Variants in GALNT15 observed in about 807,000 individuals in gnomAD.
GALNT15 encodes the protein polypeptide N-acetylgalactosaminyltransferase 15, also known as UDP-GalNAc transferase T15.
In GALNT15, 67 loss-of-function variants were observed where a neutral mutation model predicts 66.8. The ratio of observed to expected loss-of-function variants is 1.00; its 90% CI spans 0.82 to 1.23. The LOEUF (loss-of-function observed/expected upper bound fraction) is 1.23. Ranked by LOEUF, GALNT15 falls within the 50% of genes most tolerant of loss-of-function variation. The pLI is 0.00. For synonymous variants in GALNT15, 313 were observed against 311.5 expected, an observed-to-expected ratio of 1.00 and a Z score of -0.05; for missense variants, 827 against 804.3, an observed-to-expected ratio of 1.03 and a Z score of -0.34.
intron 1 of GALNT15, among the ~76,000 whole-genome samples, chr3:16,190,317 T>G (rs1401313209): frequency 6.6e-6 from 1 of 151,838 alleles, no homozygotes; most frequent in Admixed American, 6.6e-5. Context: ...ATCCTCAGGC[T>G]CCCCCTCCAG....
Position 16,193,275 on chromosome 3 carries a change from A to G in GALNT15, c.540-2485A>G, listed in dbSNP as rs560550650. Among the ~76,000 whole-genome samples, 1 of 152,320 alleles carries G rather than the reference A, an allele frequency of 6.6e-6. No individual in the cohort carries two copies. Among genetic ancestry groups the G allele is most frequent in the African/African-American group, 2.4e-5 (1 of 41,576 alleles). ...TCAAATTTAAATTCATTCTAGAAAT[A>G]CCTAGGCCCTTATAACCTATATATT... is the stretch of plus-strand genomic sequence containing the variant. On this transcript the variant is annotated intron_variant, in intron 1 of 9. Coordinates refer to ENST00000339732, the MANE Select transcript of GALNT15 (RefSeq NM_054110.5). The surrounding 1 kb of genome is among the most constrained non-coding windows in gnomAD (Gnocchi z 4.7).
downstream of GALNT15, among the ~76,000 whole-genome samples, chr3:16,234,923 CTTTT>C (rs1203363973): frequency 2.3e-5 from 3 of 131,126 alleles, no homozygotes; most frequent in Admixed American, 7.7e-5. Context: ...TTATCCCAAT[CTTTT>C]TTTTTTTTTT....
At chr3:16,215,664 C>T (rs1176190456) in intron 6 of GALNT15, among the ~76,000 whole-genome samples, 2 of 152,076 alleles carry the variant, frequency 1.3e-5, no homozygotes, top group East Asian at 3.9e-4. Context: ...GTAATCCCAG[C>T]ACTTTGGGAG....
rs936583727 is a variant in GALNT15, at chr3:16,191,726, T to C, written c.540-4034T>C. 3.9e-5 allele frequency among the ~76,000 whole-genome samples: 6 copies of C among 152,188 alleles called. No homozygotes were observed. The highest frequency in any genetic ancestry group is 1.4e-4 in the African/African-American group (6 of 41,436). ...TAAAGAGCTAGAGTTTAAATACAAATTTCTTTCATTGAAGGAGGCCCTGCT... is the reference window on the plus strand; with the variant it reads ...TAAAGAGCTAGAGTTTAAATACAAACTTCTTTCATTGAAGGAGGCCCTGCT... On this transcript the variant is annotated intron_variant, in intron 1 of 9. Coordinates refer to ENST00000339732, the MANE Select transcript of GALNT15 (RefSeq NM_054110.5). The surrounding 1 kb of genome is among the most constrained non-coding windows in gnomAD (Gnocchi z 5.2).
At chr3:16,226,050 GAAA>G (rs34201320) in intron 9 of GALNT15, among the ~76,000 whole-genome samples, 21,192 of 139,734 alleles carry the variant, frequency 0.15, 1,518 homozygotes, top group Admixed American at 0.21. Flanking sequence ...CTCCTTCTTG[GAAA>G]AAAAAAAAAA....
rs1028527004 is a variant in GALNT15 at position 16,203,604 on chromosome 3, C to A, written c.911+2781C>A. 1.3e-5 allele frequency among the ~76,000 whole-genome samples: 2 copies of A among 148,634 alleles called. No homozygotes were observed. Among genetic ancestry groups the A allele is most frequent in the Non-Finnish European group, 3.0e-5 (2 of 67,436 alleles). ...ACACACACACAGTGGGCCTCTGATC[C>A]TGGTGTGTTACTGGCTTGCCTTCCT... On this transcript the variant is annotated intron_variant, in intron 3 of 9. Coordinates refer to ENST00000339732, the MANE Select transcript of GALNT15 (RefSeq NM_054110.5). The surrounding 1 kb of genome is among the most constrained non-coding windows in gnomAD (Gnocchi z 6.2).
chr3:16,182,182 GACC>G lies in GALNT15; in HGVS notation c.539+6493_539+6495del, dbSNP rs749353858. ...TCAGACCTGCAGCCTCAGAAATGCA[GACC>G]CTTCAGACCCCACTTAAACCTACTA... On this transcript the variant is annotated intron_variant, in intron 1 of 9. Transcript: ENST00000339732. This position sits in a 1 kb window ranked among gnomAD's most constrained non-coding sequence, Gnocchi z 6.1. Among the ~76,000 whole-genome samples, 1 of 152,056 alleles carries G rather than the reference GACC, an allele frequency of 6.6e-6. No individual in the cohort carries two copies. Among genetic ancestry groups the G allele is most frequent in the Non-Finnish European group, 1.5e-5 (1 of 68,012 alleles).
chr3:16,235,936 C>T (rs1446393537), downstream of GALNT15, among the ~76,000 whole-genome samples: 1 of 151,220 alleles, frequency 6.6e-6, no homozygotes, highest in Non-Finnish European at 1.5e-5. Flanking sequence ...GAAACCCTGC[C>T]CCTACTAAAA....
At chr3:16,212,022 A>G (rs2063820911) in intron 5 of GALNT15, among the ~76,000 whole-genome samples, 2 of 152,108 alleles carry the variant, frequency 1.3e-5, no homozygotes, top group Admixed American at 6.5e-5. Context: ...CTTTATCCTC[A>G]AATGTGGAAT....
At position 16,195,177 on chromosome 3, in the gene GALNT15, C is replaced by T. The variant is rs2063618954; in HGVS notation, c.540-583C>T. Reference sequence around the variant, plus strand: ...CAGCCTCGGGGAGTCCTGATCTTCCCAGAAGGCCAGGAGGGGTGTCCCTAG... The same window carrying T: ...CAGCCTCGGGGAGTCCTGATCTTCCTAGAAGGCCAGGAGGGGTGTCCCTAG... On this transcript the variant is annotated intron_variant, in intron 1 of 9. Transcript: ENST00000339732. The surrounding 1 kb of genome is among the most constrained non-coding windows in gnomAD (Gnocchi z 4.6). 6.6e-6 allele frequency among the ~76,000 whole-genome samples: 1 copy of T among 152,154 alleles called. No homozygotes were observed. The highest frequency in any genetic ancestry group is 1.5e-5 in the Non-Finnish European group (1 of 68,040).
chr3:16,212,543 G>T, intron 5 of GALNT15, 26 bp from the exon 6 acceptor site: 1 of 1,603,630 alleles, frequency 6.2e-7, no homozygotes, highest in Non-Finnish European at 8.5e-7. Context: ...GAATGCTGAG[G>T]TGTTTATCTT....
At chr3:16,205,128 C>T (rs1019575828) in intron 3 of GALNT15, among the ~76,000 whole-genome samples, 8 of 152,186 alleles carry the variant, frequency 5.3e-5, no homozygotes, top group Non-Finnish European at 1.2e-4. Flanking sequence ...CTGGAAAAGC[C>T]GATGCCAGTC....
In GALNT15 at chr3:16,195,726, C is replaced by T. The variant is rs756902284; in HGVS notation, c.540-34C>T. Reference sequence around the variant, plus strand: ...TGTGGAGTGTTTCTTGTGGCCTTCTCTTCCCCATGGCTCTCTGGCTCTCTT... The same window carrying T: ...TGTGGAGTGTTTCTTGTGGCCTTCTTTTCCCCATGGCTCTCTGGCTCTCTT... On this transcript the variant is annotated intron_variant, in intron 1 of 9. Transcript: ENST00000339732. The surrounding 1 kb of genome is among the most constrained non-coding windows in gnomAD (Gnocchi z 4.6). 3.8e-6 allele frequency: 6 copies of T among 1,588,434 alleles called. No individual in the cohort carries two copies. Among genetic ancestry groups the T allele is most frequent in the East Asian group, 2.3e-5 (1 of 44,378 alleles).
rs34211296 is a variant in GALNT15 at position 16,198,351 on chromosome 3, G to GA, written c.707-2258dup. ...AGGCCAGTCCGGTTTGTGCTCTTCGGAAAAAAAAAATTAGTAAAATAATAG... is the reference window on the plus strand; with the variant it reads ...AGGCCAGTCCGGTTTGTGCTCTTCGGAAAAAAAAAAATTAGTAAAATAATAG... On this transcript the variant is annotated intron_variant, in intron 2 of 9. Transcript: ENST00000339732. 2.0e-4 allele frequency among the ~76,000 whole-genome samples: 28 copies of GA among 138,084 alleles called. 4 individuals carry two copies. Among genetic ancestry groups the GA allele is most frequent in the Non-Finnish European group, 3.5e-4 (22 of 62,866 alleles). The allele number at this position is 138,084 out of a possible 152,430, so 90.6% of individuals were successfully genotyped here. A position where few individuals can be genotyped will look rare whatever the true frequency, so the allele number is the denominator to read the frequency against.
chr3:16,240,835 A>G, the GALNT15 span, among the ~76,000 whole-genome samples: 1 of 152,142 alleles, frequency 6.6e-6, no homozygotes, highest in Non-Finnish European at 1.5e-5. Context: ...CCGCCTCCCC[A>G]GCACAGCCTG....
chr3:16,195,321 A>C lies in GALNT15; in HGVS notation c.540-439A>C, dbSNP rs1414450812. On this transcript the variant is annotated intron_variant, in intron 1 of 9. Coordinates refer to ENST00000339732, the MANE Select transcript of GALNT15 (RefSeq NM_054110.5). The surrounding 1 kb of genome is among the most constrained non-coding windows in gnomAD (Gnocchi z 4.6). ...CGGCATCACCTGGGAGCTTGTTAGA[A>C]ATGCAAATTCTTCAGCCCCACTCCA... Among the ~76,000 whole-genome samples, 1 of 152,206 alleles carries C rather than the reference A, an allele frequency of 6.6e-6. No homozygotes were observed. Among genetic ancestry groups the C allele is most frequent in the Non-Finnish European group, 1.5e-5 (1 of 68,046 alleles).
chr3:16,246,416 C>T, the GALNT15 span, among the ~76,000 whole-genome samples: 2 of 151,228 alleles, frequency 1.3e-5, no homozygotes, highest in East Asian at 3.9e-4. Flanking sequence ...ACATCCGCCT[C>T]CCGGGTTCAA....
At chr3:16,208,422 G>T in intron 3 of GALNT15, 81 bp from the exon 4 acceptor site, 1 of 1,447,378 alleles carries the variant, frequency 6.9e-7, no homozygotes, top group South Asian at 1.3e-5. Flanking sequence ...CCACCATACT[G>T]GGCAGCCCAT....
At chr3:16,202,943 A>G (rs1208612203) in intron 3 of GALNT15, among the ~76,000 whole-genome samples, 2 of 152,254 alleles carry the variant, frequency 1.3e-5, no homozygotes, top group Admixed American at 1.3e-4. Flanking sequence ...TTTTATGCAG[A>G]CATTTAGAAA....
Sources: gnomAD v4.1 joint callset for allele counts (sites outside exome capture counted in the v4.1 genomes callset) on GRCh38, gnomAD v4.1.1 for gene constraint, Gnocchi (gnomAD v3.1) non-coding constraint, MANE v1.5 for transcripts, NCBI Gene and HGNC (gene_info 2026-07-23, HGNC 2026-07-21) for gene names.